Variants in ZC2HC1C observed in about 807,000 individuals in gnomAD.
ZC2HC1C encodes the protein zinc finger C2HC domain-containing protein 1C.
ZC2HC1C carries 25 observed loss-of-function variants against 39.2 expected under a neutral mutation model. That is an observed-to-expected ratio of 0.64 (90% CI 0.47 to 0.89). The LOEUF (loss-of-function observed/expected upper bound fraction) is 0.89. Ranked by LOEUF, ZC2HC1C falls within the 40% of genes least tolerant of loss-of-function variation. The probability of loss-of-function intolerance (pLI) is 0.00; values close to 1 mark genes in which losing one functional copy is unlikely to be tolerated. For missense variants in ZC2HC1C, 519 were observed against 548.6 expected, an observed-to-expected ratio of 0.95 and a Z score of 0.54; for synonymous variants, 209 against 214.4, an observed-to-expected ratio of 0.97 and a Z score of 0.22.
In ZC2HC1C at chr14:75,070,780, T is replaced by C; in HGVS notation, c.207T>C (p.Tyr69=). Residue 69 remains tyrosine, a synonymous_variant, in exon 2 of 3, where the codon TAT becomes TAC. Coordinates refer to ENST00000524913, the MANE Select transcript of ZC2HC1C (RefSeq NM_024643.4). ...SNKELILDKV[Y]THPKWNTQTK... The stretch of plus-strand genomic sequence containing the variant: ...AAGAGTTGATTCTGGATAAAGTCTA[T>C]ACTCACCCCAAATGGAACACCCAAA... The C allele has an allele frequency of 6.2e-7, 1 of 1,614,150 alleles. No individual in the cohort carries two copies. The highest frequency in any genetic ancestry group is 8.5e-7 in the Non-Finnish European group (1 of 1,180,012).
At chr14:75,073,612 T>C in intron 2 of ZC2HC1C, 1 of 1,289,364 alleles carries the variant, frequency 7.8e-7, no homozygotes, top group African/African-American at 1.5e-5. Context: ...CTTCCTGTCA[T>C]TCCTCTAGAG....
Position 75,071,476 on chromosome 14 carries a change from A to G in ZC2HC1C, c.903A>G (p.Arg301=), listed in dbSNP as rs752736453. 3.1e-6 allele frequency: 5 copies of G among 1,614,190 alleles called. No individual in the cohort carries two copies. In the South Asian group the frequency reaches 5.5e-5, roughly 18 times the overall value. The change falls in exon 2 of 3, where the codon AGA becomes AGG. Residue 301 remains arginine (R), a synonymous_variant. Transcript: ENST00000524913. ...EFEEEFSRDR[R]EDETWGRSQQ... is the part of the protein sequence containing the mutation. ...AGGAAGAATTTAGTAGAGACAGGAG[A>G]GAGGATGAAACTTGGGGACGGTCTC...
chr14:75,072,622 G>A (rs1893480472), intron 2 of ZC2HC1C, among the ~76,000 whole-genome samples: 1 of 152,200 alleles, frequency 6.6e-6, no homozygotes, highest in South Asian at 2.1e-4. Context: ...ACACTTACAT[G>A]ATAAATTTAG....
chr14:75,073,666 G>GT, intron 2 of ZC2HC1C: 2 of 1,266,012 alleles, frequency 1.6e-6, no homozygotes, highest in Non-Finnish European at 2.1e-6. Context: ...TAATCTTCAC[G>GT]TAACTCCCAG....
intron 2 of ZC2HC1C, among the ~76,000 whole-genome samples, chr14:75,075,803 T>A (rs866867195): frequency 1.1e-4 from 16 of 152,368 alleles, no homozygotes; most frequent in African/African-American, 3.4e-4. Flanking sequence ...ACGCCTATAA[T>A]CCCAGTACTT....
rs1429937754 is a variant in ZC2HC1C, at chr14:75,072,035, C to G, written c.1338+124C>G. On this transcript the variant is annotated intron_variant, in intron 2 of 2. Transcript: ENST00000524913. Reference sequence around the variant, plus strand: ...AGGAAGAATTGACGTCTAGAATTAACATTTCTTGATTACTACTGTATGCCA... The same window carrying G: ...AGGAAGAATTGACGTCTAGAATTAAGATTTCTTGATTACTACTGTATGCCA... 3 of 1,351,350 alleles carry G rather than the reference C, an allele frequency of 2.2e-6. No individual in the cohort carries two copies. The East Asian group carries it at 7.4e-5, about 33-fold the overall frequency. 83.7% of individuals were successfully genotyped at this position (1,351,350 alleles called of 1,614,324 possible).
At chr14:75,077,381 G>T (rs1893723974) in intron 2 of ZC2HC1C, 151 bp from the exon 3 acceptor site, 2 of 1,009,066 alleles carry the variant, frequency 2.0e-6, no homozygotes, top group South Asian at 3.2e-5. Flanking sequence ...TTGCCTCAAC[G>T]CTGGCAAGTC....
At chr14:75,073,440 G>A (rs544029377) in intron 2 of ZC2HC1C, 18 of 450,496 alleles carry the variant, frequency 4.0e-5, no homozygotes, top group African/African-American at 3.7e-4. Context: ...TTAGGTTCCT[G>A]AGATCAGATG....
At chr14:75,073,414 C>T (rs558403439) in intron 2 of ZC2HC1C, among the ~76,000 whole-genome samples, 7 of 152,296 alleles carry the variant, frequency 4.6e-5, no homozygotes, top group South Asian at 4.1e-4. Flanking sequence ...AATACAGTTA[C>T]GGTGAAGCAA....
At position 75,079,643 on chromosome 14, in the gene ZC2HC1C, C is replaced by T. The variant is rs1024799966; in HGVS notation, c.*2079C>T. 2.0e-5 allele frequency: 3 copies of T among 152,162 alleles called. No homozygotes were observed. Among genetic ancestry groups the T allele is most frequent in the African/African-American group, 7.2e-5 (3 of 41,444 alleles). The allele number at this position is 152,162 out of a possible 1,614,324, so 9.4% of individuals were successfully genotyped here. On this transcript the variant is annotated 3_prime_UTR_variant, in exon 3 of 3. Coordinates refer to ENST00000524913, the MANE Select transcript of ZC2HC1C (RefSeq NM_024643.4). ...GCCTAGCATTCATAATATGATCTGA[C>T]ATTTAAAAACTGGGATATGGAACAT... is the stretch of plus-strand genomic sequence containing the variant.
rs1270691790 is a variant in ZC2HC1C, at chr14:75,071,046, A to T, written c.473A>T (p.Asp158Val). ...KSCSTGEAGTDGDHNVYPRPP... is the reference protein window; with the variant it reads ...KSCSTGEAGTVGDHNVYPRPP... ...TGCAGTACAGGTGAGGCTGGCACTG[A>T]TGGGGACCATAATGTCTACCCAAGG... Residue 158 changes from aspartate (D) to valine (V), a missense_variant, in exon 2 of 3, where the codon GAT (aspartate) becomes GTT (valine). Physicochemically the swap from Asp to Val is radical, Grantham distance 152 (BLOSUM62 -3). Coordinates refer to ENST00000524913, the MANE Select transcript of ZC2HC1C (RefSeq NM_024643.4). 1 of 1,614,212 alleles carries T rather than the reference A, an allele frequency of 6.2e-7. No individual in the cohort carries two copies.
chr14:75,071,541 T>A lies in ZC2HC1C; in HGVS notation c.968T>A (p.Ile323Asn). 6.2e-7 allele frequency: 1 copy of A among 1,614,066 alleles called. No individual in the cohort carries two copies. The highest frequency in any genetic ancestry group is 8.5e-7 in the Non-Finnish European group (1 of 1,179,996). The change falls in exon 2 of 3, where the codon ATC becomes AAC. Residue 323 changes from isoleucine (I) to asparagine (N), a missense_variant. Ile to Asn is a moderately radical substitution (Grantham distance 149, BLOSUM62 -3). Coordinates refer to ENST00000524913, the MANE Select transcript of ZC2HC1C (RefSeq NM_024643.4). ...CCATTCCAGTTCTCTGATTATAGAA[T>A]CCAGAGGCTCAAAAGGGAAAGGCTG... is the stretch of plus-strand genomic sequence containing the variant. ...SGPFQFSDYRIQRLKRERLVA... is the reference protein window; with the variant it reads ...SGPFQFSDYRNQRLKRERLVA...
At chr14:75,075,525 G>A (rs1443728722) in intron 2 of ZC2HC1C, among the ~76,000 whole-genome samples, 2 of 152,186 alleles carry the variant, frequency 1.3e-5, no homozygotes, top group Non-Finnish European at 2.9e-5. Flanking sequence ...TTATCTGTTA[G>A]AACTTTTAAA....
rs752581918 is a variant in ZC2HC1C at position 75,071,057 on chromosome 14, AATGTC to A, written c.485_489del (p.Asn162IlefsTer6). The A allele has an allele frequency of 1.9e-6, 3 of 1,614,180 alleles. No homozygotes were observed. Among genetic ancestry groups the A allele is most frequent in the Non-Finnish European group, 2.5e-6 (3 of 1,180,042 alleles). On this transcript the variant is annotated frameshift_variant, in exon 2 of 3. Coordinates refer to ENST00000524913, the MANE Select transcript of ZC2HC1C (RefSeq NM_024643.4). LOFTEE classifies it high-confidence loss of function. ...TGAGGCTGGCACTGATGGGGACCATAATGTCTACCCAAGGCCCCCTGAGCCGAGAG... is the reference window on the plus strand; with the variant it reads ...TGAGGCTGGCACTGATGGGGACCATATACCCAAGGCCCCCTGAGCCGAGAG...
At chr14:75,072,523 A>T (rs1473544211) in intron 2 of ZC2HC1C, among the ~76,000 whole-genome samples, 1 of 152,210 alleles carries the variant, frequency 6.6e-6, no homozygotes, top group Non-Finnish European at 1.5e-5. Flanking sequence ...GGTAAAAAGG[A>T]CTTTCTTTCT....
At position 75,071,422 on chromosome 14, in the gene ZC2HC1C, A is replaced by G. The variant is rs1430449877; in HGVS notation, c.849A>G (p.Lys283=). ...VKGNKSNTMY[K]PIFSPEFEFE... is the part of the protein sequence containing the mutation. ...GTAATAAAAGCAACACCATGTACAA[A>G]CCTATCTTCTCCCCAGAATTTGAGT... Residue 283 remains lysine, a synonymous_variant, in exon 2 of 3, where the codon AAA becomes AAG. Transcript: ENST00000524913. 3 of 1,614,146 alleles carry G rather than the reference A, an allele frequency of 1.9e-6. No homozygotes were observed. The highest frequency in any genetic ancestry group is 3.3e-4 in the Middle Eastern group (2 of 6,062).
At chr14:75,076,013 C>T (rs1408783961) in intron 2 of ZC2HC1C, among the ~76,000 whole-genome samples, 2 of 152,174 alleles carry the variant, frequency 1.3e-5, no homozygotes, top group South Asian at 2.1e-4. Flanking sequence ...ACCAAGATTG[C>T]GCCACTGCAC....
rs1417052811 is a variant in ZC2HC1C, at chr14:75,071,166, CGGA to C, written c.595_597del (p.Glu199del). 13 of 1,614,076 alleles carry C rather than the reference CGGA, an allele frequency of 8.1e-6. 1 individual carries two copies. In the African/African-American group the frequency reaches 1.5e-4, roughly 18 times the overall value. ...GGTACTGTTCTTGCTGCCACGCAGG[CGGA>C]GAAGGCCGTGGCAAACTTTGACAGG... On this transcript the variant is annotated inframe_deletion, in exon 2 of 3. Transcript: ENST00000524913.
Position 75,079,018 on chromosome 14 carries a change from CAGAT to C in ZC2HC1C, c.*1458_*1461del, listed in dbSNP as rs1893791257. ...TCAGATAGGAGTGAAGTTAGCACAA[CAGAT>C]AGAAATCTTAGGATTACTGTTCTGT... is the stretch of plus-strand genomic sequence containing the variant. On this transcript the variant is annotated 3_prime_UTR_variant, in exon 3 of 3. Coordinates refer to ENST00000524913, the MANE Select transcript of ZC2HC1C (RefSeq NM_024643.4). 1 of 152,024 alleles carries C rather than the reference CAGAT, an allele frequency of 6.6e-6. No individual in the cohort carries two copies. Among genetic ancestry groups the C allele is most frequent in the Non-Finnish European group, 1.5e-5 (1 of 68,006 alleles). The allele number at this position is 152,024 out of a possible 1,614,324, so 9.4% of individuals were successfully genotyped here.
Sources: allele counts gnomAD v4.1 joint callset (sites outside exome capture counted in the v4.1 genomes callset), GRCh38; gene constraint gnomAD v4.1.1; transcripts MANE v1.5; gene names NCBI Gene and HGNC (gene_info 2026-07-23, HGNC 2026-07-21).